PLAAT5: variants seen among roughly 807,000 people sequenced by gnomAD.
PLAAT5 encodes Ca(2+)-independent N-acyltransferase.
Under a neutral mutation model 27.8 loss-of-function variants are expected in PLAAT5, and 27 were observed. The observed-to-expected ratio is 0.97, with a 90% CI of 0.72 to 1.34. The LOEUF (loss-of-function observed/expected upper bound fraction) is 1.34, where lower values mean the gene tolerates loss of function less well. PLAAT5 is among the 40% of genes most tolerant of loss of function. PLAAT5 has a pLI of 0.00. For missense variants in PLAAT5, 368 were observed against 343.8 expected, an observed-to-expected ratio of 1.07 and a Z score of -0.56; for synonymous variants, 125 against 136.1, an observed-to-expected ratio of 0.92 and a Z score of 0.57.
intron 2 of PLAAT5, among the ~76,000 whole-genome samples, chr11:63,489,956 G>A (rs2016521541): frequency 6.6e-6 from 1 of 152,210 alleles, no homozygotes; most frequent in South Asian, 2.1e-4. Context: ...TGATTAGTGA[G>A]ACCAAGGACA....
intron 3 of PLAAT5, among the ~76,000 whole-genome samples, chr11:63,473,775 C>A (rs966348008): frequency 6.7e-6 from 1 of 149,508 alleles, no homozygotes; most frequent in African/African-American, 2.5e-5. Flanking sequence ...TGCAGTGGCG[C>A]AATCTTGGCT....
intron 3 of PLAAT5, among the ~76,000 whole-genome samples, chr11:63,482,703 A>T (rs2849653): frequency 0.026 from 3,888 of 149,260 alleles, 165 homozygotes; most frequent in African/African-American, 0.088. Context: ...CACAATTTTT[A>T]AAAAAAAAGA....
chr11:63,488,398 T>C (rs910594214), intron 3 of PLAAT5, among the ~76,000 whole-genome samples: 23 of 152,194 alleles, frequency 1.5e-4, no homozygotes, highest in Non-Finnish European at 2.8e-4. Flanking sequence ...GATGTCAAAA[T>C]GTATCAAACT....
chr11:63,487,921 G>A (rs1252026442), intron 3 of PLAAT5, among the ~76,000 whole-genome samples: 1 of 152,210 alleles, frequency 6.6e-6, no homozygotes, highest in South Asian at 2.1e-4. Context: ...CGAGGCGGGA[G>A]GATCATGAGG....
At position 63,471,610 on chromosome 11, in the gene PLAAT5, T is replaced by C. The variant is rs140766390; in HGVS notation, c.346-3145A>G. Among the ~76,000 whole-genome samples, 629 of 152,310 alleles carry C rather than the reference T, an allele frequency of 4.1e-3. 4 individuals carry two copies. The highest frequency in any genetic ancestry group is 0.014 in the African/African-American group (566 of 41,564). On this transcript the variant is annotated intron_variant, in intron 3 of 5. Transcript: ENST00000540857. ...ATCTAAGTGGAGAGGCTCTTTGTGG[T>C]TGACTTATAACATTGTTTGAGTGAA... is the stretch of plus-strand genomic sequence containing the variant.
chr11:63,490,150 C>G (rs1370362901), intron 2 of PLAAT5, 93 bp downstream of exon 2: 3 of 1,566,178 alleles, frequency 1.9e-6, no homozygotes, highest in Non-Finnish European at 2.6e-6. Context: ...CACACAAAAA[C>G]CACCTCTGGG....
At chr11:63,490,411 G>A in intron 1 of PLAAT5, 78 bp from the exon 2 acceptor site, 1 of 1,609,632 alleles carries the variant, frequency 6.2e-7, no homozygotes, top group East Asian at 2.2e-5. Flanking sequence ...ACGGAGAGTG[G>A]GCTCAGAGCT....
rs71039646 is a variant in PLAAT5, at chr11:63,483,801, GTATATATATATATATATATATA to G, written c.345+5048_345+5069del. On this transcript the variant is annotated intron_variant, in intron 3 of 5. Coordinates refer to ENST00000540857, the MANE Select transcript of PLAAT5 (RefSeq NM_001146729.2). Reference sequence around the variant, plus strand: ...AAAAAAAAAATATATATATATATATGTATATATATATATATATATATATATATATATATATATATATACACAT... The same window carrying G: ...AAAAAAAAAATATATATATATATATGTATATATATATATATATATACACAT... 4.0e-3 allele frequency among the ~76,000 whole-genome samples: 97 copies of G among 24,156 alleles called. 4 individuals carry two copies. Among genetic ancestry groups the G allele is most frequent in the Admixed American group, 6.9e-3 (11 of 1,588 alleles). 15.8% of individuals were successfully genotyped at this position (24,156 alleles called of 152,430 possible). A position where few individuals can be genotyped will look rare whatever the true frequency, so the allele number is the denominator to read the frequency against.
At chr11:63,489,312 T>C (rs1411343812) in intron 2 of PLAAT5, among the ~76,000 whole-genome samples, 2 of 152,238 alleles carry the variant, frequency 1.3e-5, no homozygotes, top group African/African-American at 4.8e-5. Context: ...GCAAGGAGCC[T>C]TCCTCCTTTC....
chr11:63,473,519 G>A (rs1323585451), intron 3 of PLAAT5, among the ~76,000 whole-genome samples: 1 of 152,028 alleles, frequency 6.6e-6, no homozygotes, highest in Non-Finnish European at 1.5e-5. Flanking sequence ...TGACTCCTTA[G>A]GATTTTCTAC....
At position 63,490,885 on chromosome 11, in the gene PLAAT5, A is replaced by C; in HGVS notation, c.148+2T>G. Reference sequence around the variant, plus strand: ...TCCTTCAGCCGCATTCTTGGGGCTGACCTGAGTGGGGCACAGCTGAACGTC... The same window carrying C: ...TCCTTCAGCCGCATTCTTGGGGCTGCCCTGAGTGGGGCACAGCTGAACGTC... On this transcript the variant is annotated splice_donor_variant, in intron 1 of 5. Transcript: ENST00000540857. LOFTEE classifies it high-confidence loss of function. The C allele has an allele frequency of 6.2e-7, 1 of 1,601,634 alleles. No individual in the cohort carries two copies. The highest frequency in any genetic ancestry group is 1.4e-5 in the African/African-American group (1 of 73,976).
Position 63,491,156 on chromosome 11 carries a change from G to A in PLAAT5, c.-122C>T, listed in dbSNP as rs1237740485. ...AAGCTTGGGCACTGGGGGCGGCTCG[G>A]GGAGGAACCGCGGAGGGGAAAGCGC... On this transcript the variant is annotated 5_prime_UTR_variant, in exon 1 of 6. Coordinates refer to ENST00000540857, the MANE Select transcript of PLAAT5 (RefSeq NM_001146729.2). 4 of 859,522 alleles carry A rather than the reference G, an allele frequency of 4.7e-6. No homozygotes were observed. The highest frequency in any genetic ancestry group is 1.8e-5 in the African/African-American group (1 of 56,260). 53.2% of individuals were successfully genotyped at this position (859,522 alleles called of 1,614,324 possible). A position where few individuals can be genotyped will look rare whatever the true frequency, so the allele number is the denominator to read the frequency against.
chr11:63,463,275 C>T lies in PLAAT5; in HGVS notation c.*228G>A, dbSNP rs1231896540. 7.1e-6 allele frequency: 4 copies of T among 564,258 alleles called. No homozygotes were observed. The highest frequency in any genetic ancestry group is 3.8e-5 in the African/African-American group (2 of 53,194). 35.0% of individuals were successfully genotyped at this position (564,258 alleles called of 1,614,324 possible). A position where few individuals can be genotyped will look rare whatever the true frequency, so the allele number is the denominator to read the frequency against. ...ATGAAATGCCTAGCACAGTGCCTGG[C>T]GCATAAGAGATACACACTAGATACC... On this transcript the variant is annotated 3_prime_UTR_variant, in exon 6 of 6. Coordinates refer to ENST00000540857, the MANE Select transcript of PLAAT5 (RefSeq NM_001146729.2).
intron 4 of PLAAT5, among the ~76,000 whole-genome samples, chr11:63,467,200 C>A (rs948413021): frequency 6.6e-6 from 1 of 152,086 alleles, no homozygotes; most frequent in Non-Finnish European, 1.5e-5. Flanking sequence ...TTTATAAAAG[C>A]TGGCAATAGA....
chr11:63,481,719 T>C lies in PLAAT5; in HGVS notation c.345+7152A>G, dbSNP rs557805094. 7.5e-3 allele frequency among the ~76,000 whole-genome samples: 1,142 copies of C among 152,310 alleles called. 16 individuals carry two copies. Among genetic ancestry groups the C allele is most frequent in the African/African-American group, 0.026 (1,092 of 41,556 alleles). On this transcript the variant is annotated intron_variant, in intron 3 of 5. Transcript: ENST00000540857. ...GGCACATATACACCATGGAATACTA[T>C]GCAGCCATAAAAAATGATGAGTTCA...
At chr11:63,481,200 G>C (rs1565214025) in intron 3 of PLAAT5, among the ~76,000 whole-genome samples, 1 of 152,204 alleles carries the variant, frequency 6.6e-6, no homozygotes, top group East Asian at 1.9e-4. Context: ...AGCACTGTGG[G>C]AGGCTGAGGC....
Position 63,490,889 on chromosome 11 carries a change from G to T in PLAAT5, c.146C>A (p.Ser49Ter). The T allele has an allele frequency of 2.5e-6, 4 of 1,603,856 alleles. No individual in the cohort carries two copies. The highest frequency in any genetic ancestry group is 3.4e-6 in the Non-Finnish European group (4 of 1,175,588). ...TCAGCCGCATTCTTGGGGCTGACCT[G>T]AGTGGGGCACAGCTGAACGTCTGAG... ...PALRRSAVPH[S>*]EESVGFAALV... Residue 49 changes from serine to a stop codon, truncating the protein, a stop_gained and splice_region_variant, in exon 1 of 6, where the codon TCA (serine) becomes TAA (stop). Coordinates refer to ENST00000540857, the MANE Select transcript of PLAAT5 (RefSeq NM_001146729.2). LOFTEE classifies it high-confidence loss of function.
intron 3 of PLAAT5, among the ~76,000 whole-genome samples, chr11:63,473,664 T>C (rs1386866713): frequency 6.6e-6 from 1 of 151,994 alleles, no homozygotes. Flanking sequence ...GATGATCATA[T>C]GATTTTTGTC....
chr11:63,484,119 A>G (rs1352228210), intron 3 of PLAAT5, among the ~76,000 whole-genome samples: 3 of 150,760 alleles, frequency 2.0e-5, no homozygotes, highest in Non-Finnish European at 4.4e-5. Context: ...GATAACAAGT[A>G]GCAAGATTGA....
Sources: allele counts gnomAD v4.1 joint callset (sites outside exome capture counted in the v4.1 genomes callset), GRCh38; gene constraint gnomAD v4.1.1; transcripts MANE v1.5; gene names NCBI Gene and HGNC (gene_info 2026-07-23, HGNC 2026-07-21).